Variants in ABCA13 observed in about 807,000 individuals in gnomAD.
ABCA13 encodes ATP binding cassette subfamily A member 13, also known as ATP-binding cassette sub-family A member 13.
Under a neutral mutation model 478.7 loss-of-function variants are expected in ABCA13, and 476 were observed. That is an observed-to-expected ratio of 0.99 (90% CI 0.92 to 1.07). The LOEUF (loss-of-function observed/expected upper bound fraction) is 1.07. ABCA13 is among the 50% of genes least tolerant of loss of function. ABCA13 has a pLI of 0.00. For synonymous variants in ABCA13, 2,252 were observed against 2,158.9 expected (o/e 1.04, Z -1.20); for missense variants, 6,060 against 5,910.6 (o/e 1.03, Z -0.83).
In ABCA13 at chr7:48,388,649, A is replaced by G. The variant is rs563510299; in HGVS notation, c.11474-391A>G. 3.4e-4 allele frequency among the ~76,000 whole-genome samples: 52 copies of G among 152,354 alleles called. 1 individual carries two copies. In the South Asian group the frequency reaches 5.4e-3, roughly 16 times the overall value. ...AATCTAAATATTTTTCTGAATTATG[A>G]ATCTTTTAGAAAATGTGGAACACAT... On this transcript the variant is annotated intron_variant, in intron 36 of 61. Transcript: ENST00000435803.
At chr7:48,426,696 G>C (rs566663456) in intron 41 of ABCA13, among the ~76,000 whole-genome samples, 19 of 152,314 alleles carry the variant, frequency 1.2e-4, no homozygotes, top group African/African-American at 3.8e-4. Context: ...CACCTGCACA[G>C]ATGATGCTAA....
chr7:48,236,784 T>C (rs1234840355), intron 8 of ABCA13, among the ~76,000 whole-genome samples: 2 of 152,206 alleles, frequency 1.3e-5, no homozygotes, highest in Non-Finnish European at 2.9e-5. Context: ...AACATATTCA[T>C]GGGCTCTTGG....
chr7:48,249,928 A>T (rs900227453), intron 15 of ABCA13, among the ~76,000 whole-genome samples: 1 of 152,152 alleles, frequency 6.6e-6, no homozygotes, highest in African/African-American at 2.4e-5. Flanking sequence ...TTAGCATCAG[A>T]TCCTGCAGGT....
chr7:48,402,060 G>C (rs944877632), intron 38 of ABCA13, among the ~76,000 whole-genome samples: 7 of 152,168 alleles, frequency 4.6e-5, no homozygotes, highest in Non-Finnish European at 8.8e-5. Flanking sequence ...AGTGCAGGGG[G>C]CCAGAAGCGT....
intron 5 of ABCA13, among the ~76,000 whole-genome samples, chr7:48,225,135 G>GCCTTCCTTCCTT (rs1202516045): frequency 0.013 from 876 of 69,872 alleles, 11 homozygotes; most frequent in Middle Eastern, 0.029. Flanking sequence ...CTGCCTGCCT[G>GCCTTCCTTCCTT]CCTTCCTTCC....
At chr7:48,255,432 T>C (rs1793236333) in intron 15 of ABCA13, among the ~76,000 whole-genome samples, 1 of 152,028 alleles carries the variant, frequency 6.6e-6, no homozygotes, top group Admixed American at 6.6e-5. Context: ...TAGTATCCAA[T>C]AGTTAGTTTT....
At chr7:48,290,157 A>G (rs1182750528) in intron 20 of ABCA13, among the ~76,000 whole-genome samples, 3 of 152,216 alleles carry the variant, frequency 2.0e-5, no homozygotes, top group Non-Finnish European at 2.9e-5. Context: ...TTTGTTCCAA[A>G]TAGTAGAAAG....
intron 3 of ABCA13, among the ~76,000 whole-genome samples, chr7:48,202,892 A>C (rs1395056113): frequency 6.8e-6 from 1 of 147,212 alleles, no homozygotes; most frequent in East Asian, 1.9e-4. Flanking sequence ...GCTGCCTGCC[A>C]GTCCCGGTGC....
intron 43 of ABCA13, among the ~76,000 whole-genome samples, chr7:48,457,693 G>C (rs903944521): frequency 6.6e-6 from 1 of 152,128 alleles, no homozygotes; most frequent in East Asian, 1.9e-4. Flanking sequence ...ATGTCTGGAG[G>C]TTTATTTTCT....
At chr7:48,202,666 A>ACTCAG (rs1798947385) in intron 3 of ABCA13, among the ~76,000 whole-genome samples, 1 of 139,884 alleles carries the variant, frequency 7.1e-6, no homozygotes, top group Non-Finnish European at 1.6e-5. Context: ...GCCCCACCTG[A>ACTCAG]GCAGCTAGAT....
At chr7:48,557,174 T>C (rs1254719385) in intron 55 of ABCA13, among the ~76,000 whole-genome samples, 1 of 152,116 alleles carries the variant, frequency 6.6e-6, no homozygotes. Context: ...TTATTGTAGT[T>C]ATTATTTTTG....
chr7:48,453,736 A>G (rs1444855848), intron 42 of ABCA13, among the ~76,000 whole-genome samples: 8 of 152,204 alleles, frequency 5.3e-5, no homozygotes, highest in African/African-American at 1.9e-4. Context: ...CAGCATCCCA[A>G]GGACTCACTC....
intron 51 of ABCA13, among the ~76,000 whole-genome samples, chr7:48,514,190 G>A (rs927360213): frequency 3.3e-5 from 5 of 151,668 alleles, no homozygotes; most frequent in Non-Finnish European, 5.9e-5. Context: ...TGGATGTGGA[G>A]ATGCTGATCA....
chr7:48,352,901 C>T lies in ABCA13; in HGVS notation c.10688+414C>T, dbSNP rs1415071698. Among the ~76,000 whole-genome samples, 5 of 152,052 alleles carry T rather than the reference C, an allele frequency of 3.3e-5. No individual in the cohort carries two copies. The South Asian group carries it at 1.0e-3, about 32-fold the overall frequency. The stretch of plus-strand genomic sequence containing the variant: ...TACTGGACAGGGTGGTGAAGGATTC[C>T]ATACAGGCCTTGACCATGGCTTGGG... On this transcript the variant is annotated intron_variant, in intron 31 of 61. Coordinates refer to ENST00000435803, the MANE Select transcript of ABCA13 (RefSeq NM_152701.5).
intron 35 of ABCA13, among the ~76,000 whole-genome samples, chr7:48,383,724 G>A (rs1444090620): frequency 6.6e-6 from 1 of 152,124 alleles, no homozygotes; most frequent in African/African-American, 2.4e-5. Context: ...GAGGAAGCAG[G>A]AAAAAATTCA....
At chr7:48,516,553 A>G (rs1197889206) in intron 51 of ABCA13, among the ~76,000 whole-genome samples, 172 bp from the exon 52 acceptor site, 1 of 152,162 alleles carries the variant, frequency 6.6e-6, no homozygotes, top group African/African-American at 2.4e-5. Flanking sequence ...CTAATTTATA[A>G]ATCAAACCTT....
At chr7:48,329,533 C>G (rs573541485) in intron 27 of ABCA13, among the ~76,000 whole-genome samples, 1 of 152,124 alleles carries the variant, frequency 6.6e-6, no homozygotes, top group African/African-American at 2.4e-5. Context: ...GGGCAACAGA[C>G]CAGCCTTTCT....
intron 23 of ABCA13, among the ~76,000 whole-genome samples, chr7:48,302,223 C>T (rs1295590001): frequency 6.6e-6 from 1 of 152,160 alleles, no homozygotes; most frequent in East Asian, 1.9e-4. Context: ...CGATGGGTTT[C>T]CTCTTCTCCT....
chr7:48,547,268 C>A (rs2131167808), intron 55 of ABCA13, among the ~76,000 whole-genome samples: 1 of 151,910 alleles, frequency 6.6e-6, no homozygotes, highest in Non-Finnish European at 1.5e-5. Flanking sequence ...ACCTTGTATT[C>A]CACTGGTTTT....
Sources: gnomAD v4.1 joint callset for allele counts (sites outside exome capture counted in the v4.1 genomes callset) on GRCh38, gnomAD v4.1.1 for gene constraint, MANE v1.5 for transcripts, NCBI Gene and HGNC (gene_info 2026-07-23, HGNC 2026-07-21) for gene names.